Variants in C1QTNF7 observed in about 807,000 individuals in gnomAD.
C1QTNF7 encodes the protein C1q and TNF related 7, also known as complement C1q tumor necrosis factor-related protein 7.
Under a neutral mutation model 19.6 loss-of-function variants are expected in C1QTNF7, and 15 were observed. The ratio of observed to expected loss-of-function variants is 0.76; its 90% CI spans 0.51 to 1.18. The LOEUF (loss-of-function observed/expected upper bound fraction) is 1.18. C1QTNF7 is among the 50% of genes most tolerant of loss of function. The pLI is 0.00. For missense variants in C1QTNF7, 324 were observed against 359.7 expected (o/e 0.90, Z 0.80); for synonymous variants, 142 against 137.5 (o/e 1.03, Z -0.23).
At chr4:15,415,739 G>A (rs1719583987) in intron 1 of C1QTNF7, among the ~76,000 whole-genome samples, 1 of 151,980 alleles carries the variant, frequency 6.6e-6, no homozygotes, top group African/African-American at 2.4e-5. Flanking sequence ...ACACAGGCTT[G>A]AGCAACTGGC....
chr4:15,346,857 C>G (rs1427737618), intron 1 of C1QTNF7, among the ~76,000 whole-genome samples: 1 of 152,156 alleles, frequency 6.6e-6, no homozygotes, highest in Non-Finnish European at 1.5e-5. Flanking sequence ...CATCTCTGTT[C>G]CTACCACTCT....
chr4:15,441,064 C>T (rs903483198), intron 2 of C1QTNF7, among the ~76,000 whole-genome samples: 7 of 152,122 alleles, frequency 4.6e-5, no homozygotes, highest in Non-Finnish European at 1.0e-4. Flanking sequence ...ATAGCTTGAA[C>T]CTGGGAGGTG....
In C1QTNF7 at chr4:15,422,484, C is replaced by G. The variant is rs1201383184; in HGVS notation, c.14-13252C>G. ...ATTCTCATCTAATATCTACCCTAAC[C>G]TAACATTATTTCATCTAATATTATT... On this transcript the variant is annotated intron_variant, in intron 1 of 2. Transcript: ENST00000295297. Among the ~76,000 whole-genome samples, 4 of 152,210 alleles carry G rather than the reference C, an allele frequency of 2.6e-5. No individual in the cohort carries two copies. In the East Asian group the frequency reaches 5.8e-4, roughly 22 times the overall value.
chr4:15,440,406 C>CTTTT (rs58931762), intron 2 of C1QTNF7, among the ~76,000 whole-genome samples: 2 of 136,642 alleles, frequency 1.5e-5, no homozygotes, highest in African/African-American at 2.7e-5. Context: ...ACAGAAGCAA[C>CTTTT]TTTTTTTTTT....
intron 1 of C1QTNF7, among the ~76,000 whole-genome samples, chr4:15,413,206 T>C (rs1719469049): frequency 6.6e-6 from 1 of 152,258 alleles, no homozygotes; most frequent in Non-Finnish European, 1.5e-5. Context: ...AGCCATCCTC[T>C]GTGTTCACAT....
intron 2 of C1QTNF7, among the ~76,000 whole-genome samples, chr4:15,441,362 A>G (rs1396625084): frequency 1.3e-5 from 2 of 152,252 alleles, no homozygotes; most frequent in Admixed American, 1.3e-4. Context: ...GCATGCAAAT[A>G]AAGCATTTAA....
At chr4:15,345,798 A>C (rs1030943981) in intron 1 of C1QTNF7, among the ~76,000 whole-genome samples, 2 of 152,206 alleles carry the variant, frequency 1.3e-5, no homozygotes, top group African/African-American at 4.8e-5. Context: ...AATCAGATTA[A>C]TAGTGTCTTT....
chr4:15,389,580 C>T (rs941610179), intron 1 of C1QTNF7, among the ~76,000 whole-genome samples: 22 of 152,078 alleles, frequency 1.4e-4, no homozygotes, highest in African/African-American at 4.3e-4. Context: ...CCACCACACC[C>T]GGCTAATTTT....
intron 1 of C1QTNF7, among the ~76,000 whole-genome samples, chr4:15,390,196 C>A (rs913618120): frequency 1.2e-4 from 18 of 152,172 alleles, no homozygotes; most frequent in African/African-American, 4.3e-4. Context: ...GTAGGGGAGT[C>A]CTCCAGGAAG....
At chr4:15,413,937 T>C (rs1719496237) in intron 1 of C1QTNF7, among the ~76,000 whole-genome samples, 1 of 152,250 alleles carries the variant, frequency 6.6e-6, no homozygotes, top group Non-Finnish European at 1.5e-5. Flanking sequence ...CAGTATTTTT[T>C]CTTTCATGTA....
At chr4:15,427,523 A>T (rs1170985322), upstream of C1QTNF7, among the ~76,000 whole-genome samples, 1 of 152,178 alleles carries the variant, frequency 6.6e-6, no homozygotes, top group Non-Finnish European at 1.5e-5. Context: ...CAATTCTCAT[A>T]ACCCTCTTTC....
At chr4:15,405,978 A>T (rs1307772138) in intron 1 of C1QTNF7, among the ~76,000 whole-genome samples, 3 of 152,090 alleles carry the variant, frequency 2.0e-5, no homozygotes, top group Non-Finnish European at 4.4e-5. Context: ...ACAACTTTGC[A>T]TCATTTAGAT....
intron 1 of C1QTNF7, among the ~76,000 whole-genome samples, chr4:15,350,079 G>A (rs770471161): frequency 1.5e-5 from 2 of 131,890 alleles, no homozygotes; most frequent in Non-Finnish European, 1.6e-5. Flanking sequence ...GGAAGGGAGA[G>A]AGGAAGGGAG....
At chr4:15,339,913 A>C, upstream of C1QTNF7, 1 of 551,960 alleles carries the variant, frequency 1.8e-6, no homozygotes, top group Non-Finnish European at 3.2e-6. Flanking sequence ...GTTGCTTTAA[A>C]TTATAGAAGT....
intron 1 of C1QTNF7, among the ~76,000 whole-genome samples, chr4:15,392,300 G>T (rs1478054504): frequency 2.0e-5 from 3 of 152,000 alleles, no homozygotes; most frequent in African/African-American, 4.8e-5. Flanking sequence ...TATATCTAGG[G>T]GGCGCTTACT....
At chr4:15,354,754 A>G (rs762968710) in intron 1 of C1QTNF7, among the ~76,000 whole-genome samples, 2 of 152,140 alleles carry the variant, frequency 1.3e-5, no homozygotes, top group Non-Finnish European at 2.9e-5. Flanking sequence ...CAGGAAGCAA[A>G]GACACAGTGA....
chr4:15,341,282 C>T lies in C1QTNF7; in HGVS notation c.13+1075C>T, dbSNP rs545259358. Reference sequence around the variant, plus strand: ...AACATTAGCAAGGCGAATTTCTCAGCCATTAGGCCTGGGTGAGCAATTTGA... The same window carrying T: ...AACATTAGCAAGGCGAATTTCTCAGTCATTAGGCCTGGGTGAGCAATTTGA... On this transcript the variant is annotated intron_variant, in intron 1 of 2. Transcript: ENST00000295297. Among the ~76,000 whole-genome samples, 25 of 152,310 alleles carry T rather than the reference C, an allele frequency of 1.6e-4. No individual in the cohort carries two copies. In the South Asian group the frequency reaches 5.2e-3, roughly 32 times the overall value.
intron 1 of C1QTNF7, among the ~76,000 whole-genome samples, chr4:15,408,043 C>T (rs777091792): frequency 6.6e-6 from 1 of 151,804 alleles, no homozygotes; most frequent in Non-Finnish European, 1.5e-5. Flanking sequence ...CCGAGGCAGG[C>T]GGATCATGAG....
intron 1 of C1QTNF7, among the ~76,000 whole-genome samples, chr4:15,393,983 G>T (rs1420177809): frequency 1.3e-5 from 2 of 152,184 alleles, no homozygotes; most frequent in East Asian, 3.9e-4. Context: ...AGGGCAGAGG[G>T]GGTGTGTAGG....
Sources: allele counts gnomAD v4.1 joint callset (sites outside exome capture counted in the v4.1 genomes callset), GRCh38; gene constraint gnomAD v4.1.1; transcripts MANE v1.5; gene names NCBI Gene and HGNC (gene_info 2026-07-23, HGNC 2026-07-21).